Variants in ZMYM2 observed in about 807,000 individuals in gnomAD.
The protein encoded by ZMYM2 is zinc finger MYM-type containing 2, also known as zinc finger MYM-type protein 2.
Under a neutral mutation model 162.8 loss-of-function variants are expected in ZMYM2, and 56 were observed. The observed-to-expected ratio is 0.34, with a 90% CI of 0.28 to 0.43. ZMYM2 has a LOEUF of 0.43. ZMYM2 is among the 20% of genes least tolerant of loss of function. The pLI, the probability that ZMYM2 is intolerant of heterozygous loss-of-function variation, is 1.00. For missense variants in ZMYM2, 1,275 were observed against 1,621.8 expected, an observed-to-expected ratio of 0.79 and a Z score of 3.67; for synonymous variants, 510 against 541.6, an observed-to-expected ratio of 0.94 and a Z score of 0.81.
intron 2 of ZMYM2, among the ~76,000 whole-genome samples, chr13:19,983,886 C>T (rs1365024321): frequency 6.6e-6 from 1 of 152,120 alleles, no homozygotes; most frequent in Non-Finnish European, 1.5e-5. Context: ...CCATGGCCTC[C>T]TAAAGTGCTG....
At chr13:20,048,523 C>CCCCTATCTTTTTCGTATTCATGG (rs1955026263) in intron 12 of ZMYM2, among the ~76,000 whole-genome samples, 1 of 151,830 alleles carries the variant, frequency 6.6e-6, no homozygotes, top group Non-Finnish European at 1.5e-5. Flanking sequence ...CTGTAAAATA[C>CCCCTATCTTTTTCGTATTCATGG]CCCTATCTTT....
chr13:19,985,732 C>T (rs988755887), intron 2 of ZMYM2, among the ~76,000 whole-genome samples: 8 of 151,310 alleles, frequency 5.3e-5, no homozygotes, highest in Admixed American at 3.3e-4. Context: ...AAAATTTGGC[C>T]GGGCGTGGTG....
chr13:19,864,912 A>G, the ZMYM2 span: 2 of 152,290 alleles, frequency 1.3e-5, no homozygotes, highest in Non-Finnish European at 2.9e-5. Context: ...GACTCCACGT[A>G]AAGATGGAAG....
chr13:19,885,873 G>A, the ZMYM2 span, among the ~76,000 whole-genome samples: 109 of 65,508 alleles, frequency 1.7e-3, 2 homozygotes, highest in Middle Eastern at 9.6e-3. Flanking sequence ...ATATATATAT[G>A]TATATACACA....
At chr13:19,955,624 A>T (rs986336838), upstream of ZMYM2, among the ~76,000 whole-genome samples, 1 of 152,030 alleles carries the variant, frequency 6.6e-6, no homozygotes, top group Non-Finnish European at 1.5e-5. Flanking sequence ...GGTCCTTATA[A>T]CAACTCTTTT....
the ZMYM2 span, among the ~76,000 whole-genome samples, chr13:19,912,685 C>T: frequency 6.6e-6 from 1 of 152,026 alleles, no homozygotes; most frequent in Admixed American, 6.6e-5. Flanking sequence ...TTACATTGGT[C>T]CATTACATTG....
chr13:20,045,226 G>A (rs1007145214), intron 12 of ZMYM2, among the ~76,000 whole-genome samples: 1 of 152,032 alleles, frequency 6.6e-6, no homozygotes, highest in Non-Finnish European at 1.5e-5. Context: ...GAGTTCTGGG[G>A]CAGTTCTTTA....
In ZMYM2 at chr13:20,069,419, GTT is replaced by G. The variant is rs137951159; in HGVS notation, c.3453+2038_3453+2039del. Among the ~76,000 whole-genome samples, 697 of 86,996 alleles carry G rather than the reference GTT, an allele frequency of 8.0e-3. 6 individuals are homozygous for G. The highest frequency in any genetic ancestry group is 0.018 in the African/African-American group (668 of 37,394). 57.1% of individuals were successfully genotyped at this position (86,996 alleles called of 152,430 possible). A position where few individuals can be genotyped will look rare whatever the true frequency, so the allele number is the denominator to read the frequency against. On this transcript the variant is annotated intron_variant, in intron 21 of 24. Coordinates refer to ENST00000610343, the MANE Select transcript of ZMYM2 (RefSeq NM_197968.4). ...CATTAAGTACGATGCACCCTTTAGG[GTT>G]TTTTTTTTGGTAGCTCCCTGTTACC...
intron 20 of ZMYM2, 79 bp from the exon 21 acceptor site, chr13:20,067,156 TACAA>T: frequency 1.4e-6 from 2 of 1,397,518 alleles, no homozygotes; most frequent in Non-Finnish European, 1.9e-6. Flanking sequence ...TCAGAGCTCT[TACAA>T]AGAATAACGT....
In ZMYM2 at chr13:20,082,911, A is replaced by C. The variant is rs531267973; in HGVS notation, c.3699A>C (p.Glu1233Asp). 6.2e-6 allele frequency: 10 copies of C among 1,613,982 alleles called. No individual in the cohort carries two copies. In the South Asian group the frequency reaches 1.1e-4, roughly 18 times the overall value. The change falls in exon 23 of 25, where the codon GAA becomes GAC. Residue 1233 changes from glutamate (E) to aspartate (D), a missense_variant. By Grantham distance (45) the Glu-to-Asp change is conservative. Coordinates refer to ENST00000610343, the MANE Select transcript of ZMYM2 (RefSeq NM_197968.4). ...NTKYFGLKTVEQHLRLSFGTV... is the reference protein window; with the variant it reads ...NTKYFGLKTVDQHLRLSFGTV... Reference sequence around the variant, plus strand: ...AGTATTTTGGCCTGAAAACAGTGGAACAACACTTAAGACTTTCCTTTGGCA... The same window carrying C: ...AGTATTTTGGCCTGAAAACAGTGGACCAACACTTAAGACTTTCCTTTGGCA...
chr13:19,956,189 T>C (rs1201198108), upstream of ZMYM2, among the ~76,000 whole-genome samples: 2 of 152,236 alleles, frequency 1.3e-5, no homozygotes, highest in Admixed American at 1.3e-4. Flanking sequence ...CTACTTTCTG[T>C]CTCTACAGAT....
chr13:20,051,592 C>A lies in ZMYM2; in HGVS notation c.2452C>A (p.His818Asn), dbSNP rs1250885403. The change falls in exon 13 of 25, where the codon CAT (histidine) becomes AAT (asparagine). Residue 818 changes from histidine (H) to asparagine (N), a missense_variant. Coordinates refer to ENST00000610343, the MANE Select transcript of ZMYM2 (RefSeq NM_197968.4). The part of the protein sequence containing the change: ...MTTQKGPENL[H>N]YDQGCQTSRT... ...AACTCAGAAAGGACCTGAAAACTTA[C>A]ATTATGGTATGTAATGATTTAGGTG... 2 of 1,611,188 alleles carry A rather than the reference C, an allele frequency of 1.2e-6. No individual in the cohort carries two copies. The highest frequency in any genetic ancestry group is 3.4e-5 in the Admixed American group (2 of 59,304).
chr13:20,069,749 CATAAGG>C (rs924788202), intron 21 of ZMYM2, among the ~76,000 whole-genome samples: 1 of 151,274 alleles, frequency 6.6e-6, no homozygotes, highest in African/African-American at 2.4e-5. Flanking sequence ...TGCAGATGTT[CATAAGG>C]ATAAGTAGTT....
At chr13:19,952,489 G>C in the ZMYM2 span, among the ~76,000 whole-genome samples, 1 of 152,024 alleles carries the variant, frequency 6.6e-6, no homozygotes, top group Non-Finnish European at 1.5e-5. Flanking sequence ...ACATCATGTT[G>C]TATACACTAA....
the ZMYM2 span, among the ~76,000 whole-genome samples, chr13:19,949,857 A>G: frequency 9.5e-5 from 14 of 147,926 alleles, no homozygotes; most frequent in African/African-American, 3.0e-4. Flanking sequence ...ACTGCACTCA[A>G]GCCTGGGTGA....
At chr13:19,921,833 C>T in the ZMYM2 span, among the ~76,000 whole-genome samples, 34 of 152,074 alleles carry the variant, frequency 2.2e-4, no homozygotes, top group Non-Finnish European at 4.3e-4. Flanking sequence ...TTTATTTGGG[C>T]CAAGCTTGAG....
intron 22 of ZMYM2, among the ~76,000 whole-genome samples, chr13:20,082,346 T>C (rs1165872691): frequency 1.3e-5 from 2 of 152,214 alleles, no homozygotes; most frequent in Non-Finnish European, 2.9e-5. Flanking sequence ...TGTAATCTAC[T>C]TTCTCTGGAG....
intron 6 of ZMYM2, among the ~76,000 whole-genome samples, chr13:20,016,252 G>A (rs1383289657): frequency 6.6e-6 from 1 of 151,950 alleles, no homozygotes; most frequent in Non-Finnish European, 1.5e-5. Flanking sequence ...TTTATAACAA[G>A]TTAATCAGCT....
chr13:19,983,980 A>G (rs17074683), intron 2 of ZMYM2, among the ~76,000 whole-genome samples: 2,094 of 152,314 alleles, frequency 0.014, 41 homozygotes, highest in African/African-American at 0.047. Flanking sequence ...CAGAACTATT[A>G]TAAGTGCCAT....
Sources: allele counts gnomAD v4.1 joint callset (sites outside exome capture counted in the v4.1 genomes callset), GRCh38; gene constraint gnomAD v4.1.1; transcripts MANE v1.5; gene names NCBI Gene and HGNC (gene_info 2026-07-23, HGNC 2026-07-21).